Variants in PTPRD observed in about 807,000 individuals in gnomAD.
PTPRD encodes receptor-type tyrosine-protein phosphatase delta.
PTPRD carries 34 observed loss-of-function variants against 214.5 expected under a neutral mutation model. That is an observed-to-expected ratio of 0.16 (90% CI 0.12 to 0.21). The LOEUF (loss-of-function observed/expected upper bound fraction) is 0.21. PTPRD is among the 10% of genes least tolerant of loss of function. PTPRD has a pLI of 1.00. For missense variants in PTPRD, 2,545 were observed against 2,398.7 expected, an observed-to-expected ratio of 1.06 and a Z score of -1.27; for synonymous variants, 1,128 against 845.7, an observed-to-expected ratio of 1.33 and a Z score of -5.79.
At chr9:8,904,510 A>G (rs1407857822) in intron 11 of PTPRD, among the ~76,000 whole-genome samples, 7 of 152,154 alleles carry the variant, frequency 4.6e-5, no homozygotes, top group African/African-American at 1.2e-4. Context: ...TGTCTCTACT[A>G]AAAACACAAA....
chr9:10,226,661 C>CATACTGTTCA (rs1195884800), intron 3 of PTPRD, among the ~76,000 whole-genome samples: 1 of 151,986 alleles, frequency 6.6e-6, no homozygotes, highest in Non-Finnish European at 1.5e-5. Flanking sequence ...CCTATGTAAC[C>CATACTGTTCA]ATACTGTTCA....
At chr9:10,157,060 C>T (rs2099098033) in intron 3 of PTPRD, among the ~76,000 whole-genome samples, 1 of 152,028 alleles carries the variant, frequency 6.6e-6, no homozygotes, top group Non-Finnish European at 1.5e-5. Flanking sequence ...GAAAGAATAC[C>T]ATTGCATCTT....
rs142993325 is a variant in PTPRD, at chr9:9,853,369, T to C, written c.-368+85138A>G. On this transcript the variant is annotated intron_variant, in intron 5 of 45. Transcript: ENST00000381196. ...TCTTCTTGGTTTTTTCTCAGCCATT[T>C]ACAAATGTAGAACAACATTCTTGTT... Among the ~76,000 whole-genome samples, 8 of 152,324 alleles carry C rather than the reference T, an allele frequency of 5.3e-5. No individual in the cohort carries two copies. The East Asian group carries it at 1.5e-3, about 29-fold the overall frequency.
intron 5 of PTPRD, among the ~76,000 whole-genome samples, chr9:9,819,552 T>C (rs963656890): frequency 2.0e-5 from 3 of 152,142 alleles, no homozygotes; most frequent in African/African-American, 4.8e-5. Flanking sequence ...CATGTGCAGG[T>C]TTGTTACCTG....
At chr9:8,625,429 G>A (rs989275577) in intron 14 of PTPRD, among the ~76,000 whole-genome samples, 2 of 151,764 alleles carry the variant, frequency 1.3e-5, no homozygotes, top group Admixed American at 6.6e-5. Flanking sequence ...TATGTATGCC[G>A]ATACTTAGAA....
At chr9:10,183,032 A>C (rs2099309494) in intron 3 of PTPRD, among the ~76,000 whole-genome samples, 1 of 152,164 alleles carries the variant, frequency 6.6e-6, no homozygotes, top group African/African-American at 2.4e-5. Context: ...TAAAAAGGTA[A>C]GTGGGGATAA....
intron 4 of PTPRD, among the ~76,000 whole-genome samples, chr9:9,952,502 C>G (rs78808846): frequency 6.6e-6 from 1 of 152,248 alleles, no homozygotes; most frequent in Admixed American, 6.5e-5. Flanking sequence ...AGAAGGCCAA[C>G]ATCGTTCATT....
intron 9 of PTPRD, among the ~76,000 whole-genome samples, chr9:9,360,057 T>C (rs2055429807): frequency 6.6e-6 from 1 of 151,298 alleles, no homozygotes; most frequent in South Asian, 2.1e-4. Context: ...TGTGTTTTCA[T>C]GGCAGAAGTC....
chr9:9,117,919 A>T (rs139074809), intron 10 of PTPRD, among the ~76,000 whole-genome samples: 1 of 152,290 alleles, frequency 6.6e-6, no homozygotes, highest in African/African-American at 2.4e-5. Context: ...GTTTTGTGGC[A>T]TCTGAAGTTT....
At chr9:9,424,924 A>G (rs1055751934) in intron 8 of PTPRD, among the ~76,000 whole-genome samples, 2 of 152,200 alleles carry the variant, frequency 1.3e-5, no homozygotes, top group East Asian at 1.9e-4. Context: ...CAATGCACCA[A>G]TCAAGAATTA....
At chr9:10,389,219 A>G (rs1432436368) in intron 2 of PTPRD, among the ~76,000 whole-genome samples, 1 of 151,844 alleles carries the variant, frequency 6.6e-6, no homozygotes, top group African/African-American at 2.4e-5. Flanking sequence ...TTTTTCACAC[A>G]TTATTTTGTG....
chr9:10,510,982 T>C (rs998420920), intron 2 of PTPRD, among the ~76,000 whole-genome samples: 1 of 152,186 alleles, frequency 6.6e-6, no homozygotes, highest in African/African-American at 2.4e-5. Flanking sequence ...GTTTACTTAA[T>C]GTAACATAAT....
At chr9:9,796,797 G>C (rs1482653808) in intron 5 of PTPRD, among the ~76,000 whole-genome samples, 1 of 152,124 alleles carries the variant, frequency 6.6e-6, no homozygotes, top group African/African-American at 2.4e-5. Context: ...CTAGTGTTTT[G>C]GGGTTCCTTT....
In PTPRD at chr9:9,210,395, A is replaced by C. The variant is rs867671269; in HGVS notation, c.-202-27032T>G. On this transcript the variant is annotated intron_variant, in intron 9 of 45. Coordinates refer to ENST00000381196, the MANE Select transcript of PTPRD (RefSeq NM_002839.4). ...TTTGGTTTCAAAATTTAACTTGTTC[A>C]TTCCAAAGATACTTTGGGATTTGAA... Among the ~76,000 whole-genome samples, 3 of 152,236 alleles carry C rather than the reference A, an allele frequency of 2.0e-5. No individual in the cohort carries two copies. The East Asian group carries it at 5.8e-4, about 29-fold the overall frequency.
chr9:9,081,962 GTAAT>G (rs1248031992), intron 10 of PTPRD, among the ~76,000 whole-genome samples: 1 of 151,680 alleles, frequency 6.6e-6, no homozygotes, highest in Non-Finnish European at 1.5e-5. Context: ...AACTGAGGCA[GTAAT>G]TAATAGACTA....
At chr9:10,015,501 C>T (rs1414522514) in intron 4 of PTPRD, among the ~76,000 whole-genome samples, 1 of 152,078 alleles carries the variant, frequency 6.6e-6, no homozygotes, top group African/African-American at 2.4e-5. Context: ...GACAATTGAG[C>T]TCTGAGGCTG....
chr9:10,610,675 T>C (rs1305008197), intron 2 of PTPRD, among the ~76,000 whole-genome samples: 1 of 152,128 alleles, frequency 6.6e-6, no homozygotes, highest in East Asian at 1.9e-4. Flanking sequence ...CAGTAATATG[T>C]CTAAGAAAAC....
At chr9:8,382,895 C>T (rs140057023) in intron 37 of PTPRD, among the ~76,000 whole-genome samples, 13 of 152,308 alleles carry the variant, frequency 8.5e-5, no homozygotes, top group African/African-American at 2.9e-4. Context: ...CGGCCTTTGG[C>T]GCTTCCAGTT....
chr9:10,231,956 T>TAG (rs56151511), intron 3 of PTPRD, among the ~76,000 whole-genome samples: 115 of 109,068 alleles, frequency 1.1e-3, no homozygotes, highest in South Asian at 2.3e-3. Context: ...GGGAATGAAT[T>TAG]AGAGAGAGAG....
Sources: gnomAD v4.1 joint callset for allele counts (sites outside exome capture counted in the v4.1 genomes callset) on GRCh38, gnomAD v4.1.1 for gene constraint, MANE v1.5 for transcripts, NCBI Gene and HGNC (gene_info 2026-07-23, HGNC 2026-07-21) for gene names.